DPF3: variants seen among roughly 807,000 people sequenced by gnomAD.
DPF3 encodes zinc finger protein DPF3.
In DPF3, 18 loss-of-function variants were observed where a neutral mutation model predicts 56.8. The observed-to-expected ratio is 0.32, with a 90% confidence interval of 0.22 to 0.47. The LOEUF is 0.47. Among genes scored for constraint, DPF3 ranks in the 20% least tolerant of loss-of-function variants. DPF3 has a pLI of 1.00. For missense variants in DPF3, 403 were observed against 488.8 expected (o/e 0.82, Z 1.65); for synonymous variants, 188 against 180.2 (o/e 1.04, Z -0.35).
chr14:72,838,457 GCA>G (rs994645709), intron 1 of DPF3, among the ~76,000 whole-genome samples: 17 of 152,186 alleles, frequency 1.1e-4, no homozygotes, highest in African/African-American at 3.9e-4. Context: ...TCGAGCCACT[GCA>G]CTCCTGCCTG....
chr14:72,803,132 C>T (rs58398167), intron 1 of DPF3, among the ~76,000 whole-genome samples: 4,064 of 152,298 alleles, frequency 0.027, 172 homozygotes, highest in African/African-American at 0.093. Flanking sequence ...AAGCAGGCCC[C>T]TTCCAAGGAT....
At chr14:72,820,302 G>T (rs536849489) in intron 1 of DPF3, among the ~76,000 whole-genome samples, 1 of 152,014 alleles carries the variant, frequency 6.6e-6, no homozygotes, top group Non-Finnish European at 1.5e-5. Context: ...ACAGGCAAAT[G>T]GCCAAAAGAC....
At chr14:72,887,673 ACAAGGAATATGCGG>A (rs1470966291) in intron 1 of DPF3, among the ~76,000 whole-genome samples, 2 of 92,424 alleles carry the variant, frequency 2.2e-5, no homozygotes, top group Non-Finnish European at 4.5e-5. Flanking sequence ...CATCATAAAG[ACAAGGAATATGCGG>A]CTCAAAGTTC....
At chr14:72,775,059 C>T (rs945545763) in intron 1 of DPF3, among the ~76,000 whole-genome samples, 11 of 152,090 alleles carry the variant, frequency 7.2e-5, no homozygotes, top group Non-Finnish European at 1.5e-4. Flanking sequence ...AAACAGCAAG[C>T]AGCCATACCA....
At chr14:72,646,306 A>C (rs766745113) in intron 8 of DPF3, among the ~76,000 whole-genome samples, 1 of 152,232 alleles carries the variant, frequency 6.6e-6, no homozygotes, top group Non-Finnish European at 1.5e-5. Flanking sequence ...AACGCAGATA[A>C]GGAAACCAAA....
In DPF3 at chr14:72,771,817, C is replaced by A. The variant is rs199742673; in HGVS notation, c.109G>T (p.Val37Leu). Residue 37 changes from valine (V) to leucine (L), a missense_variant, in exon 2 of 11, where the codon GTG becomes TTG. Around this residue, in one of 2 missense-constraint regions of DPF3, gnomAD observed 340 missense variants for 374.3 expected, o/e 0.91. Transcript: ENST00000556509. Reference sequence around the variant, plus strand: ...TGTGAGTCCAGGAAGGGAAGACGCACGCTGCGCTCTGCACACAGCCGTGAG... The same window carrying A: ...TGTGAGTCCAGGAAGGGAAGACGCAAGCTGCGCTCTGCACACAGCCGTGAG... ...YNSRLCAERS[V>L]RLPFLDSQTG... The A allele has an allele frequency of 1.2e-6, 2 of 1,613,690 alleles. No homozygotes were observed. The highest frequency in any genetic ancestry group is 1.7e-6 in the Non-Finnish European group (2 of 1,179,840).
chr14:72,833,421 T>C (rs1884146653), intron 1 of DPF3, among the ~76,000 whole-genome samples: 2 of 152,162 alleles, frequency 1.3e-5, no homozygotes, highest in Non-Finnish European at 2.9e-5. Flanking sequence ...TATACAAATA[T>C]GGAGCTCCAG....
chr14:72,674,509 C>T, intron 7 of DPF3, 141 bp from the exon 8 acceptor site: 3 of 1,273,286 alleles, frequency 2.4e-6, no homozygotes, highest in South Asian at 1.6e-5. Flanking sequence ...TTGGGCTACG[C>T]TTTCTTTTGG....
In DPF3 at chr14:72,705,385, T is replaced by C. The variant is rs1434938290; in HGVS notation, c.604+9038A>G. On this transcript the variant is annotated intron_variant, in intron 6 of 10. Coordinates refer to ENST00000556509, the MANE Select transcript of DPF3 (RefSeq NM_001280542.3). ...AACAAGCTCAGCTCAGAGCTCCCAC[T>C]GACTCTACATTATGGTGAGCTGAAT... is the stretch of plus-strand genomic sequence containing the variant. Among the ~76,000 whole-genome samples, 3 of 151,976 alleles carry C rather than the reference T, an allele frequency of 2.0e-5. No homozygotes were observed. The East Asian group carries it at 5.8e-4, about 29-fold the overall frequency.
At chr14:72,788,169 G>A (rs1892287393) in intron 1 of DPF3, among the ~76,000 whole-genome samples, 1 of 152,176 alleles carries the variant, frequency 6.6e-6, no homozygotes, top group South Asian at 2.1e-4. Context: ...AACAAGCGAA[G>A]CTCAAGCCCT....
intron 4 of DPF3, 138 bp from the exon 5 acceptor site, chr14:72,723,866 G>C (rs1889286055): frequency 1.2e-6 from 1 of 809,392 alleles, no homozygotes; most frequent in Non-Finnish European, 1.9e-6. Flanking sequence ...TGGGCAGTTG[G>C]GCCCTCTGAA....
At chr14:72,670,607 GATATTGC>G (rs1488451461) in intron 8 of DPF3, 1 of 987,532 alleles carries the variant, frequency 1.0e-6, no homozygotes, top group African/African-American at 1.8e-5. Flanking sequence ...CTCTAAACAG[GATATTGC>G]TTCGATTTCT....
At chr14:72,734,977 C>A (rs1485571358) in intron 3 of DPF3, among the ~76,000 whole-genome samples, 3 of 152,188 alleles carry the variant, frequency 2.0e-5, no homozygotes, top group Admixed American at 1.3e-4. Flanking sequence ...CAGTTATTAA[C>A]CCGTTTTACA....
chr14:72,647,642 G>A (rs1419730295), intron 8 of DPF3, among the ~76,000 whole-genome samples: 3 of 152,142 alleles, frequency 2.0e-5, no homozygotes, highest in Non-Finnish European at 4.4e-5. Flanking sequence ...TTTAAGACAC[G>A]GTTTCCATTG....
intron 7 of DPF3, among the ~76,000 whole-genome samples, chr14:72,680,083 G>A (rs1887094116): frequency 2.0e-5 from 3 of 152,198 alleles, no homozygotes; most frequent in South Asian, 2.1e-4. Flanking sequence ...CAGGCCCAGC[G>A]TGAAGCAGAG....
intron 1 of DPF3, among the ~76,000 whole-genome samples, chr14:72,821,211 G>A (rs894294332): frequency 6.6e-6 from 1 of 152,042 alleles, no homozygotes; most frequent in Non-Finnish European, 1.5e-5. Flanking sequence ...CAGAGCCTGG[G>A]AGGCAGAGTC....
At chr14:72,780,038 G>A (rs1032103198) in intron 1 of DPF3, among the ~76,000 whole-genome samples, 1 of 152,232 alleles carries the variant, frequency 6.6e-6, no homozygotes, top group South Asian at 2.1e-4. Context: ...AGTACATGCT[G>A]GGTCATGCCT....
intron 1 of DPF3, among the ~76,000 whole-genome samples, chr14:72,827,414 T>C (rs1348206259): frequency 6.6e-6 from 1 of 151,398 alleles, no homozygotes; most frequent in Non-Finnish European, 1.5e-5. Flanking sequence ...TTCTGAATTG[T>C]GCAATATTCT....
chr14:72,857,263 A>T (rs950870972), intron 1 of DPF3, among the ~76,000 whole-genome samples: 1 of 152,224 alleles, frequency 6.6e-6, no homozygotes, highest in Non-Finnish European at 1.5e-5. Context: ...TGACACAATC[A>T]GCTGCTGACT....
Sources: gnomAD v4.1 joint callset for allele counts (sites outside exome capture counted in the v4.1 genomes callset) on GRCh38, gnomAD v4.1.1 for gene constraint, gnomAD v4.1.1 regional missense constraint, MANE v1.5 for transcripts, NCBI Gene and HGNC (gene_info 2026-07-23, HGNC 2026-07-21) for gene names.